FRMD4A: variants seen among roughly 807,000 people sequenced by gnomAD.
FRMD4A encodes the protein FERM domain-containing protein 4A.
Under a neutral mutation model 129.1 loss-of-function variants are expected in FRMD4A, and 29 were observed. The observed-to-expected ratio is 0.22, with a 90% CI of 0.17 to 0.31. The LOEUF (loss-of-function observed/expected upper bound fraction) is 0.31. Among genes scored for constraint, FRMD4A ranks in the 10% least tolerant of loss-of-function variants. The pLI is 1.00. For synonymous variants in FRMD4A, 634 were observed against 571.6 expected (o/e 1.11, Z -1.56); for missense variants, 1,272 against 1,375.8 (o/e 0.92, Z 1.19).
intron 2 of FRMD4A, among the ~76,000 whole-genome samples, chr10:14,149,347 AT>A (rs1413647457): frequency 6.6e-6 from 1 of 152,022 alleles, no homozygotes; most frequent in Non-Finnish European, 1.5e-5. Flanking sequence ...TTATTTATGT[AT>A]TTATTTTTAG....
At chr10:13,815,748 A>G (rs1029951306) in intron 3 of FRMD4A, among the ~76,000 whole-genome samples, 3 of 152,216 alleles carry the variant, frequency 2.0e-5, no homozygotes, top group Non-Finnish European at 2.9e-5. Flanking sequence ...CAGTGCACTG[A>G]CATTATGGAT....
At chr10:13,725,898 A>T (rs1444820898) in intron 12 of FRMD4A, among the ~76,000 whole-genome samples, 1 of 152,252 alleles carries the variant, frequency 6.6e-6, no homozygotes, top group Non-Finnish European at 1.5e-5. Flanking sequence ...TTCAAGATGG[A>T]GAAAATTAGA....
At chr10:13,673,091 T>G (rs1336962129) in intron 16 of FRMD4A, among the ~76,000 whole-genome samples, 1 of 152,160 alleles carries the variant, frequency 6.6e-6, no homozygotes. Flanking sequence ...CCCTGCCGGG[T>G]TTAGGGACTT....
At chr10:14,181,924 T>G (rs2131901940) in intron 2 of FRMD4A, among the ~76,000 whole-genome samples, 1 of 152,280 alleles carries the variant, frequency 6.6e-6, no homozygotes, top group East Asian at 1.9e-4. Context: ...TTCCTGAACT[T>G]GAGTGATCTG....
At chr10:14,118,661 T>G (rs549597682) in intron 2 of FRMD4A, among the ~76,000 whole-genome samples, 17 of 152,248 alleles carry the variant, frequency 1.1e-4, no homozygotes, top group Admixed American at 2.6e-4. Flanking sequence ...AAGAGCAAAG[T>G]CATGTCTTAC....
At chr10:14,294,816 G>T (rs1484666299) in intron 2 of FRMD4A, among the ~76,000 whole-genome samples, 1 of 152,116 alleles carries the variant, frequency 6.6e-6, no homozygotes, top group Non-Finnish European at 1.5e-5. Context: ...CAATCCAAAG[G>T]TTATGGTGGG....
intron 9 of FRMD4A, among the ~76,000 whole-genome samples, chr10:13,746,886 A>G (rs2091319619): frequency 6.6e-6 from 1 of 152,222 alleles, no homozygotes; most frequent in South Asian, 2.1e-4. Flanking sequence ...GGAGTCTTTC[A>G]AATGGCTTGA....
chr10:13,946,213 G>A (rs529603486), intron 2 of FRMD4A, among the ~76,000 whole-genome samples: 1 of 152,296 alleles, frequency 6.6e-6, no homozygotes, highest in Admixed American at 6.5e-5. Flanking sequence ...TCAGAGCTAG[G>A]AGAATGAACT....
At position 14,190,989 on chromosome 10, in the gene FRMD4A, G is replaced by A. The variant is rs143279217; in HGVS notation, c.45+139069C>T. Among the ~76,000 whole-genome samples, 576 of 152,268 alleles carry A rather than the reference G, an allele frequency of 3.8e-3. 3 individuals are homozygous for A. Among genetic ancestry groups the A allele is most frequent in the Non-Finnish European group, 5.9e-3 (401 of 68,020 alleles). ...GCTGTGAGGTCAGCAAGCTGGTTCCGTGCAGACCCCAGTCAGCCATATTGG... is the reference window on the plus strand; with the variant it reads ...GCTGTGAGGTCAGCAAGCTGGTTCCATGCAGACCCCAGTCAGCCATATTGG... On this transcript the variant is annotated intron_variant, in intron 2 of 24. Transcript: ENST00000357447.
At chr10:14,190,340 G>A (rs938444043) in intron 2 of FRMD4A, among the ~76,000 whole-genome samples, 5 of 152,124 alleles carry the variant, frequency 3.3e-5, no homozygotes, top group South Asian at 2.1e-4. Context: ...GCTGGAAGCC[G>A]ATACTATGAC....
intron 15 of FRMD4A, chr10:13,693,506 T>C: frequency 8.5e-7 from 1 of 1,173,562 alleles, no homozygotes; most frequent in South Asian, 1.7e-5. Context: ...CAGTGTCTCC[T>C]GGCACCAGAT....
At chr10:14,066,189 CA>C (rs920813281) in intron 2 of FRMD4A, among the ~76,000 whole-genome samples, 6 of 151,962 alleles carry the variant, frequency 3.9e-5, no homozygotes, top group Non-Finnish European at 7.4e-5. Flanking sequence ...GAAAGCTGGG[CA>C]CCTGAGGAGG....
At chr10:14,028,381 T>G (rs1031566432) in intron 2 of FRMD4A, among the ~76,000 whole-genome samples, 1 of 152,156 alleles carries the variant, frequency 6.6e-6, no homozygotes, top group Admixed American at 6.5e-5. Context: ...GAAATATGAA[T>G]GTAGAGCGTA....
chr10:14,117,117 T>C (rs117685411), intron 2 of FRMD4A, among the ~76,000 whole-genome samples: 1,555 of 152,348 alleles, frequency 0.01, 18 homozygotes, highest in Middle Eastern at 0.038. Context: ...AGCTGATTCC[T>C]GGAAGACACT....
At chr10:14,135,365 G>A (rs1398503153) in intron 2 of FRMD4A, among the ~76,000 whole-genome samples, 1 of 152,182 alleles carries the variant, frequency 6.6e-6, no homozygotes, top group Non-Finnish European at 1.5e-5. Flanking sequence ...TCCAAACTGT[G>A]TTCAAATAAG....
chr10:14,017,172 A>C (rs1194581114), intron 2 of FRMD4A, among the ~76,000 whole-genome samples: 1 of 152,210 alleles, frequency 6.6e-6, no homozygotes, highest in Non-Finnish European at 1.5e-5. Flanking sequence ...TGTCATGCCC[A>C]GGGTTTGAGG....
chr10:14,108,444 G>C (rs1311148121), intron 2 of FRMD4A, among the ~76,000 whole-genome samples: 1 of 152,168 alleles, frequency 6.6e-6, no homozygotes, highest in East Asian at 1.9e-4. Flanking sequence ...TGAGGACTGA[G>C]GTTTAAACTC....
chr10:13,707,504 G>A (rs1217310009), intron 12 of FRMD4A: 2 of 1,007,636 alleles, frequency 2.0e-6, no homozygotes, highest in African/African-American at 1.7e-5. Context: ...CGGGTGAGGG[G>A]AGAGGAGCGA....
At chr10:13,792,244 C>T (rs2093018154) in intron 5 of FRMD4A, among the ~76,000 whole-genome samples, 1 of 152,192 alleles carries the variant, frequency 6.6e-6, no homozygotes, top group African/African-American at 2.4e-5. Context: ...GATGCTGGTT[C>T]TGCAAACATG....
Sources: allele counts gnomAD v4.1 joint callset (sites outside exome capture counted in the v4.1 genomes callset), GRCh38; gene constraint gnomAD v4.1.1; transcripts MANE v1.5; gene names NCBI Gene and HGNC (gene_info 2026-07-23, HGNC 2026-07-21).